Variants in KPNA5 observed in about 807,000 individuals in gnomAD.
KPNA5 encodes the protein karyopherin subunit alpha 5.
KPNA5 carries 46 observed loss-of-function variants against 71.3 expected under a neutral mutation model. The observed-to-expected ratio is 0.65, with a 90% CI of 0.51 to 0.83. KPNA5 has a LOEUF of 0.83. KPNA5 is among the 40% of genes least tolerant of loss of function. The probability of loss-of-function intolerance (pLI) is 0.00; values close to 1 mark genes in which losing one functional copy is unlikely to be tolerated. For missense variants in KPNA5, 547 were observed against 628.3 expected (o/e 0.87, Z 1.38); for synonymous variants, 207 against 201.4 (o/e 1.03, Z -0.24).
Position 116,729,490 on chromosome 6 carries a change from A to G in KPNA5, c.1254-73A>G, listed in dbSNP as rs115345074. On this transcript the variant is annotated intron_variant, in intron 12 of 13. Transcript: ENST00000368564. Reference sequence around the variant, plus strand: ...TCACTATGAAAAATATTTTTGTGTCATTGTTACAAACAGTACTTAAGTCTT... The same window carrying G: ...TCACTATGAAAAATATTTTTGTGTCGTTGTTACAAACAGTACTTAAGTCTT... The G allele has an allele frequency of 8.1e-4, 772 of 954,068 alleles. 5 individuals are homozygous for G. The African/African-American group carries it at 0.012, about 15-fold the overall frequency. 59.1% of individuals were successfully genotyped at this position (954,068 alleles called of 1,614,324 possible).
chr6:116,716,253 A>G lies in KPNA5; in HGVS notation c.691A>G (p.Arg231Gly). The change falls in exon 8 of 14, where the codon AGA becomes GGA. Residue 231 changes from arginine (R) to glycine (G), a missense_variant. Physicochemically the swap from Arg to Gly is moderately radical, Grantham distance 125. Transcript: ENST00000368564. Reference protein sequence around the residue: ...LTNSNRLTTTRNAVWALSNLC... With the variant: ...LTNSNRLTTTGNAVWALSNLC... ...AAATTCAAACAGACTCACAACAACAAGAAATGCCGTGTGGGCCCTCTCAAA... is the reference window on the plus strand; with the variant it reads ...AAATTCAAACAGACTCACAACAACAGGAAATGCCGTGTGGGCCCTCTCAAA... 1 of 1,613,548 alleles carries G rather than the reference A, an allele frequency of 6.2e-7. No individual in the cohort carries two copies. Among genetic ancestry groups the G allele is most frequent in the Non-Finnish European group, 8.5e-7 (1 of 1,179,824 alleles).
chr6:116,694,316 A>G (rs192490899), intron 4 of KPNA5, among the ~76,000 whole-genome samples: 131 of 152,314 alleles, frequency 8.6e-4, no homozygotes, highest in African/African-American at 3.0e-3. Context: ...GAATCTAAAA[A>G]TTATCTTGGG....
In KPNA5 at chr6:116,734,184, G is replaced by A. The variant is rs1562460399; in HGVS notation, c.*1861G>A. ...AGATTAACCTTTTTGTGGTGCAGAT[G>A]GTTCTAAGTATCAGGTGACAGGGTA... On this transcript the variant is annotated 3_prime_UTR_variant, in exon 14 of 14. Coordinates refer to ENST00000368564, the MANE Select transcript of KPNA5 (RefSeq NM_001366306.2). The A allele has an allele frequency of 6.6e-6, 1 of 151,614 alleles. No homozygotes were observed. Among genetic ancestry groups the A allele is most frequent in the Non-Finnish European group, 1.5e-5 (1 of 67,690 alleles). 9.4% of individuals were successfully genotyped at this position (151,614 alleles called of 1,614,324 possible).
intron 6 of KPNA5, among the ~76,000 whole-genome samples, chr6:116,702,667 C>CA (rs905942604): frequency 9.3e-5 from 14 of 150,768 alleles, no homozygotes; most frequent in Admixed American, 2.6e-4. Context: ...AGATTTGTTT[C>CA]AAAAAAAAAG....
chr6:116,691,936 A>AT, intron 2 of KPNA5, 119 bp from the exon 3 acceptor site: 1 of 701,776 alleles, frequency 1.4e-6, no homozygotes, highest in Non-Finnish European at 2.5e-6. Flanking sequence ...AATATTCAGA[A>AT]TTTTAAGTTA....
chr6:116,717,390 C>G (rs1239110313), intron 8 of KPNA5, among the ~76,000 whole-genome samples: 1 of 152,156 alleles, frequency 6.6e-6, no homozygotes, highest in Non-Finnish European at 1.5e-5. Flanking sequence ...TTGACTGATT[C>G]CCTCATCTTT....
Position 116,684,298 on chromosome 6 carries a change from T to C in KPNA5, c.4+2960T>C, listed in dbSNP as rs185498599. ...AAATATTTTAAAGGAGGAATTTTGG[T>C]AAATTAATCATGCATTTCTTTTCAA... On this transcript the variant is annotated intron_variant, in intron 1 of 13. Coordinates refer to ENST00000368564, the MANE Select transcript of KPNA5 (RefSeq NM_001366306.2). Among the ~76,000 whole-genome samples the C allele has an allele frequency of 1.1e-3, 166 of 152,306 alleles. 3 individuals carry two copies. Among genetic ancestry groups the C allele is most frequent in the Non-Finnish European group, 2.1e-4 (14 of 68,032 alleles).
At chr6:116,683,746 C>T (rs1013729489) in intron 1 of KPNA5, among the ~76,000 whole-genome samples, 5 of 149,986 alleles carry the variant, frequency 3.3e-5, no homozygotes, top group Non-Finnish European at 7.4e-5. Flanking sequence ...TACAGGTGCC[C>T]ACCACCACGC....
In KPNA5 at chr6:116,681,322, G is replaced by A. The variant is rs755310909; in HGVS notation, c.-13G>A. The stretch of plus-strand genomic sequence containing the variant: ...GGGACTGGGAAATCAGGGCATCGGA[G>A]AGTGCCACATTAATGGGTAAGTTGG... On this transcript the variant is annotated 5_prime_UTR_variant, in exon 1 of 14. Coordinates refer to ENST00000368564, the MANE Select transcript of KPNA5 (RefSeq NM_001366306.2). 4 of 1,608,716 alleles carry A rather than the reference G, an allele frequency of 2.5e-6. No homozygotes were observed. The highest frequency in any genetic ancestry group is 3.4e-6 in the Non-Finnish European group (4 of 1,177,188).
At chr6:116,711,660 T>G (rs76744958) in intron 7 of KPNA5, among the ~76,000 whole-genome samples, 7,446 of 152,248 alleles carry the variant, frequency 0.049, 196 homozygotes, top group African/African-American at 0.069. Flanking sequence ...TCCATTGTTG[T>G]CAGAGAAGAT....
intron 3 of KPNA5, 46 bp downstream of exon 3, chr6:116,692,202 A>G: frequency 6.9e-7 from 1 of 1,448,118 alleles, no homozygotes; most frequent in Non-Finnish European, 9.6e-7. Context: ...CAATAATTTT[A>G]GCAATAGTAT....
intron 1 of KPNA5, among the ~76,000 whole-genome samples, chr6:116,688,076 A>G (rs898991804): frequency 5.3e-5 from 8 of 152,174 alleles, no homozygotes; most frequent in African/African-American, 1.4e-4. Flanking sequence ...GCCTTTGCAT[A>G]TATTCCTTCT....
rs762088295 is a variant in KPNA5, at chr6:116,729,755, T to TA, written c.1432+19dup. 77 of 1,446,428 alleles carry TA rather than the reference T, an allele frequency of 5.3e-5. No homozygotes were observed. The highest frequency in any genetic ancestry group is 7.1e-5 in the Non-Finnish European group (77 of 1,087,832). 89.6% of individuals were successfully genotyped at this position (1,446,428 alleles called of 1,614,324 possible). A position where few individuals can be genotyped will look rare whatever the true frequency, so the allele number is the denominator to read the frequency against. Reference sequence around the variant, plus strand: ...AAGAAGCATATGGTAAGCAATCAGTTAAAAATTTGCAATTATAGTCAGTTC... The same window carrying TA: ...AAGAAGCATATGGTAAGCAATCAGTTAAAAAATTTGCAATTATAGTCAGTTC... On this transcript the variant is annotated intron_variant, in intron 13 of 13. Coordinates refer to ENST00000368564, the MANE Select transcript of KPNA5 (RefSeq NM_001366306.2).
Position 116,694,760 on chromosome 6 carries a change from G to T in KPNA5, c.340+2368G>T, listed in dbSNP as rs576808918. Reference sequence around the variant, plus strand: ...TAAAATCACAAAATAATGTAATCAGGCATTTAAATTTTTCTCAATTTTAGA... The same window carrying T: ...TAAAATCACAAAATAATGTAATCAGTCATTTAAATTTTTCTCAATTTTAGA... On this transcript the variant is annotated intron_variant, in intron 4 of 13. Coordinates refer to ENST00000368564, the MANE Select transcript of KPNA5 (RefSeq NM_001366306.2). Among the ~76,000 whole-genome samples the T allele has an allele frequency of 1.9e-4, 29 of 152,086 alleles. No individual in the cohort carries two copies. In the East Asian group the frequency reaches 4.1e-3, roughly 21 times the overall value.
At position 116,729,220 on chromosome 6, in the gene KPNA5, T is replaced by TAAA. The variant is rs371973712; in HGVS notation, c.1254-330_1254-328dup. On this transcript the variant is annotated intron_variant, in intron 12 of 13. Coordinates refer to ENST00000368564, the MANE Select transcript of KPNA5 (RefSeq NM_001366306.2). The stretch of plus-strand genomic sequence containing the variant: ...GTGTGTCTGTGTGTAGGCTTGCCTT[T>TAAA]AAAAAAAAAAAAAAACAACCTTTCG... 5.1e-3 allele frequency among the ~76,000 whole-genome samples: 606 copies of TAAA among 118,642 alleles called. 28 individuals are homozygous for TAAA. Among genetic ancestry groups the TAAA allele is most frequent in the African/African-American group, 0.015 (458 of 31,312 alleles). 77.8% of individuals were successfully genotyped at this position (118,642 alleles called of 152,430 possible).
intron 2 of KPNA5, among the ~76,000 whole-genome samples, chr6:116,691,780 T>G (rs1777809424): frequency 6.6e-6 from 1 of 152,230 alleles, no homozygotes; most frequent in Non-Finnish European, 1.5e-5. Context: ...AATGACCATG[T>G]GTATTCCACT....
intron 2 of KPNA5, among the ~76,000 whole-genome samples, chr6:116,691,136 G>A (rs1420865769): frequency 1.3e-5 from 2 of 152,244 alleles, no homozygotes; most frequent in Admixed American, 6.5e-5. Context: ...GGTTTAGGCA[G>A]GAGGATCGCT....
intron 7 of KPNA5, among the ~76,000 whole-genome samples, chr6:116,712,948 C>A (rs1012657062): frequency 3.3e-5 from 5 of 152,020 alleles, no homozygotes; most frequent in African/African-American, 1.2e-4. Context: ...CAAAATTATA[C>A]AAAAACACTA....
At chr6:116,681,557 G>C (rs1454779380) in intron 1 of KPNA5, 2 of 1,320,650 alleles carry the variant, frequency 1.5e-6, no homozygotes, top group Admixed American at 3.8e-5. Flanking sequence ...GGCGTGGTGA[G>C]TTCAGATTCT....
Sources: allele counts gnomAD v4.1 joint callset (sites outside exome capture counted in the v4.1 genomes callset), GRCh38; gene constraint gnomAD v4.1.1; transcripts MANE v1.5; gene names NCBI Gene and HGNC (gene_info 2026-07-23, HGNC 2026-07-21).